SYNRG: variants seen among roughly 807,000 people sequenced by gnomAD.
SYNRG encodes synergin gamma, also known as AP1 gamma subunit binding protein 1.
SYNRG carries 37 observed loss-of-function variants against 130.9 expected under a neutral mutation model. That is an observed-to-expected ratio of 0.28 (90% CI 0.22 to 0.37). SYNRG has a LOEUF of 0.37. Among genes scored for constraint, SYNRG ranks in the 10% least tolerant of loss-of-function variants. The pLI, the probability that SYNRG is intolerant of heterozygous loss-of-function variation, is 1.00. For missense variants in SYNRG, 1,338 were observed against 1,588.9 expected, an observed-to-expected ratio of 0.84 and a Z score of 2.68; for synonymous variants, 539 against 568.1, an observed-to-expected ratio of 0.95 and a Z score of 0.73.
chr17:37,582,706 C>A (rs1047082679), intron 6 of SYNRG, among the ~76,000 whole-genome samples: 1 of 151,978 alleles, frequency 6.6e-6, no homozygotes, highest in Non-Finnish European at 1.5e-5. Context: ...ACAAAAAATA[C>A]AAAAATTAGC....
chr17:37,515,965 GA>G lies in SYNRG; in HGVS notation c.*2974del, dbSNP rs2054397235. The G allele has an allele frequency of 6.6e-6, 1 of 152,060 alleles. No homozygotes were observed. The highest frequency in any genetic ancestry group is 2.1e-4 in the South Asian group (1 of 4,818). The allele number at this position is 152,060 out of a possible 1,614,324, so 9.4% of individuals were successfully genotyped here. On this transcript the variant is annotated 3_prime_UTR_variant, in exon 22 of 22. Coordinates refer to ENST00000612223, the MANE Select transcript of SYNRG (RefSeq NM_007247.6). ...TAATTAAAAATTCACAACCCCTATG[GA>G]ATGCTAACTAGTAGCCACAGGAAAA...
intron 6 of SYNRG, among the ~76,000 whole-genome samples, chr17:37,583,532 GA>G: frequency 6.6e-6 from 1 of 152,248 alleles, no homozygotes. Context: ...TATCACCCAT[GA>G]AAGGTACTAT....
rs1034010590 is a variant in SYNRG, at chr17:37,519,043, T to C, written c.3842A>G (p.Lys1281Arg). The part of the protein sequence containing the change: ...KAFNSETDSF[K>R]LAYGGHQYHA... Reference sequence around the variant, plus strand: ...ATACTGGTGCCCTCCATAGGCCAGCTTGAAACTGTCTGTTTCTGAGTTGAA... The same window carrying C: ...ATACTGGTGCCCTCCATAGGCCAGCCTGAAACTGTCTGTTTCTGAGTTGAA... Residue 1281 changes from lysine (K) to arginine (R), a missense_variant, in exon 22 of 22, where the codon AAG becomes AGG. By Grantham distance (26) the Lys-to-Arg change is conservative. Transcript: ENST00000612223. The C allele has an allele frequency of 3.7e-6, 6 of 1,614,066 alleles. No homozygotes were observed. Among genetic ancestry groups the C allele is most frequent in the Admixed American group, 1.7e-5 (1 of 60,006 alleles).
At position 37,577,391 on chromosome 17, in the gene SYNRG, A is replaced by G; in HGVS notation, c.812T>C (p.Ile271Thr). 1 of 1,614,176 alleles carries G rather than the reference A, an allele frequency of 6.2e-7. No individual in the cohort carries two copies. Among genetic ancestry groups the G allele is most frequent in the Non-Finnish European group, 8.5e-7 (1 of 1,180,012 alleles). Residue 271 changes from isoleucine to threonine, a missense_variant, in exon 7 of 22, where the codon ATT becomes ACT. Ile to Thr is a moderately conservative substitution (Grantham distance 89, BLOSUM62 -1). Coordinates refer to ENST00000612223, the MANE Select transcript of SYNRG (RefSeq NM_007247.6). ...AENTSDQNLS[I>T]EESGVGVFPS... Reference sequence around the variant, plus strand: ...CTTCACGAGCTCACCACTCTCTTCAATTGACAGGTTTTGATCTGAAGTATT... The same window carrying G: ...CTTCACGAGCTCACCACTCTCTTCAGTTGACAGGTTTTGATCTGAAGTATT...
intron 3 of SYNRG, among the ~76,000 whole-genome samples, chr17:37,589,642 G>A (rs1437445897): frequency 2.0e-5 from 3 of 151,870 alleles, no homozygotes; most frequent in Non-Finnish European, 2.9e-5. Context: ...CCATCTATTC[G>A]GGAGGCTGAG....
chr17:37,581,698 T>C (rs1417202721), intron 6 of SYNRG, among the ~76,000 whole-genome samples: 2 of 152,018 alleles, frequency 1.3e-5, no homozygotes, highest in African/African-American at 4.8e-5. Flanking sequence ...GCAATTCTTC[T>C]GCCTCAGCCT....
At chr17:37,572,442 G>GA (rs1249007823) in intron 8 of SYNRG, among the ~76,000 whole-genome samples, 6 of 150,194 alleles carry the variant, frequency 4.0e-5, no homozygotes, top group Admixed American at 6.6e-5. Flanking sequence ...AAAAAAAAAA[G>GA]AAAAAAAAAT....
At position 37,553,360 on chromosome 17, in the gene SYNRG, T is replaced by G; in HGVS notation, c.2363A>C (p.Asn788Thr). 6.2e-7 allele frequency: 1 copy of G among 1,614,172 alleles called. No homozygotes were observed. The highest frequency in any genetic ancestry group is 8.5e-7 in the Non-Finnish European group (1 of 1,180,036). The change falls in exon 14 of 22, where the codon AAC becomes ACC. Residue 788 changes from asparagine (N) to threonine (T), a missense_variant. Physicochemically the swap from Asn to Thr is moderately conservative, Grantham distance 65 (BLOSUM62 0). Coordinates refer to ENST00000612223, the MANE Select transcript of SYNRG (RefSeq NM_007247.6). ...TTTCTCTCCCAGGGATTTGTCCGAG[T>G]TTATGGAAGAAAATTTACTGGAGTG... ...DFHSSKFSSI[N>T]SDKSLGEKAV...
Position 37,594,462 on chromosome 17 carries a change from C to T in SYNRG, c.240+1761G>A, listed in dbSNP as rs552308601. 5.7e-3 allele frequency among the ~76,000 whole-genome samples: 707 copies of T among 124,490 alleles called. 5 individuals carry two copies. Among genetic ancestry groups the T allele is most frequent in the Non-Finnish European group, 9.8e-3 (575 of 58,664 alleles). 81.7% of individuals were successfully genotyped at this position (124,490 alleles called of 152,430 possible). A position where few individuals can be genotyped will look rare whatever the true frequency, so the allele number is the denominator to read the frequency against. ...TTAGTTATTTGCTGCCTTTCTTCTT[C>T]TTTTTTTTTTTTTTTTTTGAGATGG... On this transcript the variant is annotated intron_variant, in intron 3 of 21. Coordinates refer to ENST00000612223, the MANE Select transcript of SYNRG (RefSeq NM_007247.6).
Position 37,577,396 on chromosome 17 carries a change from C to T in SYNRG, c.807G>A (p.Leu269=). ...CGAGCTCACCACTCTCTTCAATTGACAGGTTTTGATCTGAAGTATTTTCTG... is the reference window on the plus strand; with the variant it reads ...CGAGCTCACCACTCTCTTCAATTGATAGGTTTTGATCTGAAGTATTTTCTG... The part of the protein sequence containing the change: ...AEAENTSDQN[L]SIEESGVGVF... The change falls in exon 7 of 22, where the codon CTG becomes CTA. Residue 269 remains leucine, a synonymous_variant. Transcript: ENST00000612223. 1 of 1,614,160 alleles carries T rather than the reference C, an allele frequency of 6.2e-7. No homozygotes were observed. Among genetic ancestry groups the T allele is most frequent in the Non-Finnish European group, 8.5e-7 (1 of 1,180,002 alleles).
At position 37,553,445 on chromosome 17, in the gene SYNRG, C is replaced by A; in HGVS notation, c.2278G>T (p.Val760Phe). Residue 760 changes from valine (V) to phenylalanine (F), a missense_variant, in exon 14 of 22, where the codon GTT becomes TTT. Val to Phe is a conservative substitution (Grantham distance 50, BLOSUM62 -1). This residue lies in a region of SYNRG where 1,146 missense variants were observed against 1,342.3 expected (regional missense o/e 0.85). Coordinates refer to ENST00000612223, the MANE Select transcript of SYNRG (RefSeq NM_007247.6). ...QLSLEGSGLG[V>F]EDLKDNTPSG... ...GGAGTGTTATCTTTCAGGTCTTCAA[C>A]ACCTAGTCCAGACCCTTCCAGAGAA... 1 of 1,614,202 alleles carries A rather than the reference C, an allele frequency of 6.2e-7. No homozygotes were observed. The highest frequency in any genetic ancestry group is 8.5e-7 in the Non-Finnish European group (1 of 1,180,042).
chr17:37,521,277 G>A lies in SYNRG; in HGVS notation c.3667-629C>T, dbSNP rs1029677676. Among the ~76,000 whole-genome samples, 5 of 152,134 alleles carry A rather than the reference G, an allele frequency of 3.3e-5. No homozygotes were observed. In the South Asian group the frequency reaches 8.3e-4, roughly 25 times the overall value. On this transcript the variant is annotated intron_variant, in intron 19 of 21. Coordinates refer to ENST00000612223, the MANE Select transcript of SYNRG (RefSeq NM_007247.6). ...ACTCCTGATTGCAGGTGATCCACCC[G>A]CCTCAGCCTCCCAAAGTGGTGGGAT... is the stretch of plus-strand genomic sequence containing the variant.
rs111378465 is a variant in SYNRG at position 37,519,193 on chromosome 17, A to G, written c.3814-122T>C. ...AGAGGCTGAGGCCAAAATGGCACACACATAAAAGCTGAGCGGATAGCTACA... is the reference window on the plus strand; with the variant it reads ...AGAGGCTGAGGCCAAAATGGCACACGCATAAAAGCTGAGCGGATAGCTACA... On this transcript the variant is annotated intron_variant, in intron 21 of 21. Coordinates refer to ENST00000612223, the MANE Select transcript of SYNRG (RefSeq NM_007247.6). 380 of 1,298,418 alleles carry G rather than the reference A, an allele frequency of 2.9e-4. No individual in the cohort carries two copies. The African/African-American group carries it at 5.1e-3, about 17-fold the overall frequency. The allele number at this position is 1,298,418 out of a possible 1,614,324, so 80.4% of individuals were successfully genotyped here.
intron 19 of SYNRG, among the ~76,000 whole-genome samples, chr17:37,526,082 G>A (rs1023757727): frequency 1.3e-5 from 2 of 151,328 alleles, no homozygotes; most frequent in Non-Finnish European, 2.9e-5. Context: ...GCAGTGAGCT[G>A]AGATTGCACC....
intron 19 of SYNRG, chr17:37,529,827 T>A (rs1568277164): frequency 2.6e-6 from 4 of 1,551,580 alleles, no homozygotes; most frequent in South Asian, 2.4e-5. Flanking sequence ...TGCTTTGTAA[T>A]CACAGTCATC....
At chr17:37,522,437 C>A (rs1438520244) in intron 19 of SYNRG, among the ~76,000 whole-genome samples, 3 of 152,080 alleles carry the variant, frequency 2.0e-5, no homozygotes, top group African/African-American at 7.2e-5. Flanking sequence ...CAGGCATGAG[C>A]CACTGTGCCC....
intron 3 of SYNRG, among the ~76,000 whole-genome samples, chr17:37,590,160 T>C (rs2062039002): frequency 6.8e-6 from 1 of 146,894 alleles, no homozygotes; most frequent in Admixed American, 7.0e-5. Flanking sequence ...AGGGCGAGAC[T>C]CTGTCTCAAA....
chr17:37,603,296 G>T (rs1243340570), intron 1 of SYNRG, among the ~76,000 whole-genome samples: 3 of 152,084 alleles, frequency 2.0e-5, no homozygotes, highest in Non-Finnish European at 4.4e-5. Context: ...TTGAGCCCAT[G>T]AGTTTGAGAC....
intron 11 of SYNRG, among the ~76,000 whole-genome samples, chr17:37,565,888 C>A (rs2059925308): frequency 6.6e-6 from 1 of 151,662 alleles, no homozygotes; most frequent in African/African-American, 2.4e-5. Context: ...CTCTGCCCGG[C>A]AGCCACCCCG....
Sources: gnomAD v4.1 joint callset for allele counts (sites outside exome capture counted in the v4.1 genomes callset) on GRCh38, gnomAD v4.1.1 for gene constraint, gnomAD v4.1.1 regional missense constraint, MANE v1.5 for transcripts, NCBI Gene and HGNC (gene_info 2026-07-23, HGNC 2026-07-21) for gene names.